ERG: variants seen among roughly 807,000 people sequenced by gnomAD.
ERG encodes transcriptional regulator ERG.
Under a neutral mutation model 55.3 loss-of-function variants are expected in ERG, and 9 were observed. The observed-to-expected ratio is 0.16, with a 90% CI of 0.10 to 0.28. The LOEUF (loss-of-function observed/expected upper bound fraction) is 0.28, where lower values mean the gene tolerates loss of function less well. Among genes scored for constraint, ERG ranks in the 10% least tolerant of loss-of-function variants. The pLI is 1.00. For synonymous variants in ERG, 223 were observed against 237.3 expected (o/e 0.94, Z 0.55); for missense variants, 434 against 631.6 (o/e 0.69, Z 3.35).
chr21:38,530,572 A>G (rs985175786), intron 2 of ERG, among the ~76,000 whole-genome samples: 1 of 152,200 alleles, frequency 6.6e-6, no homozygotes, highest in Non-Finnish European at 1.5e-5. Flanking sequence ...AATTCTGCAC[A>G]GGAGAGTCCT....
At chr21:38,645,845 T>C (rs2060452694) in intron 1 of ERG, among the ~76,000 whole-genome samples, 1 of 152,158 alleles carries the variant, frequency 6.6e-6, no homozygotes, top group Non-Finnish European at 1.5e-5. Flanking sequence ...GCCGACTTGT[T>C]GATGTTTAAT....
intron 9 of ERG, among the ~76,000 whole-genome samples, chr21:38,385,552 G>T (rs1987657114): frequency 6.6e-6 from 1 of 152,138 alleles, no homozygotes; most frequent in Non-Finnish European, 1.5e-5. Context: ...ATATTTTTGT[G>T]AATTTATCCA....
chr21:38,465,221 T>A (rs2067775266), intron 1 of ERG, among the ~76,000 whole-genome samples: 2 of 152,216 alleles, frequency 1.3e-5, no homozygotes, highest in Admixed American at 6.5e-5. Flanking sequence ...GTACTTTAAA[T>A]GTGCCAATCA....
At chr21:38,595,163 G>A (rs1329475069) in intron 1 of ERG, among the ~76,000 whole-genome samples, 1 of 152,176 alleles carries the variant, frequency 6.6e-6, no homozygotes, top group Non-Finnish European at 1.5e-5. Flanking sequence ...GAACCTTGTT[G>A]TGAAAATAGC....
intron 2 of ERG, among the ~76,000 whole-genome samples, chr21:38,563,213 G>A (rs1388090646): frequency 6.6e-6 from 1 of 152,204 alleles, no homozygotes; most frequent in African/African-American, 2.4e-5. Context: ...GTCATCACCT[G>A]TTTGTCCAAA....
chr21:38,612,595 A>G (rs987222832), intron 1 of ERG, among the ~76,000 whole-genome samples: 3 of 152,176 alleles, frequency 2.0e-5, no homozygotes, highest in African/African-American at 7.2e-5. Context: ...GTCTTCATGA[A>G]AAACAGAGGA....
At chr21:38,579,664 C>A (rs1442646897) in intron 1 of ERG, among the ~76,000 whole-genome samples, 1 of 152,168 alleles carries the variant, frequency 6.6e-6, no homozygotes, top group African/African-American at 2.4e-5. Flanking sequence ...ACACCGCCAC[C>A]ACCAGAGTGA....
chr21:38,571,502 C>A (rs1352884179), intron 2 of ERG, among the ~76,000 whole-genome samples: 1 of 151,364 alleles, frequency 6.6e-6, no homozygotes, highest in African/African-American at 2.4e-5. Flanking sequence ...CAGAGCAAGA[C>A]TATGTCTTAA....
intron 2 of ERG, among the ~76,000 whole-genome samples, chr21:38,543,729 G>A (rs1251924108): frequency 7.2e-6 from 1 of 139,556 alleles, no homozygotes; most frequent in Non-Finnish European, 1.5e-5. Flanking sequence ...GGTGATGTGT[G>A]AGAAACACTT....
At chr21:38,573,727 C>T (rs940163327) in intron 2 of ERG, among the ~76,000 whole-genome samples, 5 of 152,168 alleles carry the variant, frequency 3.3e-5, no homozygotes, top group Admixed American at 6.5e-5. Context: ...ACTCAGAGGC[C>T]GGTGCCGGTG....
intron 1 of ERG, among the ~76,000 whole-genome samples, chr21:38,625,160 C>G (rs1197212471): frequency 6.6e-6 from 1 of 151,974 alleles, no homozygotes. Context: ...TGGCATAAAG[C>G]TGTAGTTTTT....
At chr21:38,625,809 C>A (rs1167419516) in intron 1 of ERG, among the ~76,000 whole-genome samples, 1 of 151,412 alleles carries the variant, frequency 6.6e-6, no homozygotes, top group African/African-American at 2.4e-5. Context: ...TAGATACTTA[C>A]TAATTAATAT....
chr21:38,555,362 C>G (rs2059851638), intron 2 of ERG, among the ~76,000 whole-genome samples: 1 of 151,412 alleles, frequency 6.6e-6, no homozygotes, highest in Non-Finnish European at 1.5e-5. Context: ...TATTGAAAGA[C>G]TATAAAAAAT....
In ERG at chr21:38,646,148, A is replaced by G. The variant is rs149898958; in HGVS notation, c.-150+15510T>C. Among the ~76,000 whole-genome samples, 54 of 152,112 alleles carry G rather than the reference A, an allele frequency of 3.6e-4. No individual in the cohort carries two copies. The East Asian group carries it at 9.5e-3, about 27-fold the overall frequency. ...ATTAAAAAATCAGCTGGGTATGGTG[A>G]AATGCACCTGTAATCCCACCTACTT... On this transcript the variant is annotated intron_variant, in intron 1 of 10. Transcript: ENST00000398910.
intron 1 of ERG, among the ~76,000 whole-genome samples, chr21:38,487,156 A>AC (rs936720592): frequency 6.6e-6 from 1 of 151,130 alleles, no homozygotes; most frequent in African/African-American, 2.4e-5. Flanking sequence ...GGAAAAAAAA[A>AC]AGAAGTGGAT....
chr21:38,396,306 C>T (rs1420297444), intron 6 of ERG, among the ~76,000 whole-genome samples: 1 of 152,226 alleles, frequency 6.6e-6, no homozygotes, highest in African/African-American at 2.4e-5. Flanking sequence ...CCTAGGTTTG[C>T]ATATCCCTGT....
intron 3 of ERG, among the ~76,000 whole-genome samples, chr21:38,411,754 GGT>G (rs1407387876): frequency 1.3e-5 from 2 of 152,112 alleles, no homozygotes; most frequent in Non-Finnish European, 2.9e-5. Context: ...CTCTTGGTAA[GGT>G]GTATTTAATT....
intron 1 of ERG, among the ~76,000 whole-genome samples, chr21:38,643,944 A>G (rs1036329826): frequency 4.6e-5 from 7 of 152,330 alleles, no homozygotes; most frequent in Admixed American, 6.5e-5. Context: ...GACACCATCC[A>G]CTGCCAGAAC....
intron 2 of ERG, among the ~76,000 whole-genome samples, chr21:38,429,345 C>CACACATATACATATATAATATGT (rs2146518154): frequency 6.7e-6 from 1 of 150,268 alleles, no homozygotes; most frequent in African/African-American, 2.5e-5. Context: ...TCTACATATG[C>CACACATATACATATATAATATGT]ACACATATAC....
Sources: allele counts gnomAD v4.1 joint callset (sites outside exome capture counted in the v4.1 genomes callset), GRCh38; gene constraint gnomAD v4.1.1; transcripts MANE v1.5; gene names NCBI Gene and HGNC (gene_info 2026-07-23, HGNC 2026-07-21).